CNTN5: variants seen among roughly 807,000 people sequenced by gnomAD.
CNTN5 encodes contactin 5.
CNTN5 carries 77 observed loss-of-function variants against 129.1 expected under a neutral mutation model. That is an observed-to-expected ratio of 0.60 (90% CI 0.50 to 0.72). CNTN5 has a LOEUF of 0.72. CNTN5 is among the 30% of genes least tolerant of loss of function. The probability of loss-of-function intolerance (pLI) is 0.00; values close to 1 mark genes in which losing one functional copy is unlikely to be tolerated. For missense variants in CNTN5, 1,478 were observed against 1,328.8 expected (o/e 1.11, Z -1.75); for synonymous variants, 509 against 465.6 (o/e 1.09, Z -1.20).
chr11:99,524,669 GA>G (rs1947417066), intron 2 of CNTN5, among the ~76,000 whole-genome samples: 1 of 151,924 alleles, frequency 6.6e-6, no homozygotes, highest in South Asian at 2.1e-4. Context: ...AAAAATTGAT[GA>G]TGGGTACCTG....
intron 3 of CNTN5, among the ~76,000 whole-genome samples, chr11:99,699,312 T>A (rs622746): frequency 0.99 from 150,253 of 151,522 alleles, 74,511 homozygotes; most frequent in East Asian, 1. Flanking sequence ...CTAATGCTTT[T>A]AAAATTAACA....
intron 16 of CNTN5, among the ~76,000 whole-genome samples, chr11:100,253,113 C>G (rs1431201857): frequency 2.6e-5 from 4 of 151,996 alleles, no homozygotes; most frequent in Non-Finnish European, 4.4e-5. Context: ...AATGCCATCT[C>G]TATCTCTACA....
chr11:100,118,613 C>T (rs1415927645), intron 13 of CNTN5, among the ~76,000 whole-genome samples: 1 of 151,848 alleles, frequency 6.6e-6, no homozygotes, highest in Non-Finnish European at 1.5e-5. Flanking sequence ...TGGATTTTAA[C>T]TAATACATCT....
At chr11:100,078,325 A>G (rs945280490) in intron 13 of CNTN5, among the ~76,000 whole-genome samples, 3 of 152,198 alleles carry the variant, frequency 2.0e-5, no homozygotes, top group Admixed American at 6.6e-5. Context: ...TATGATTAAC[A>G]AATTAGCTGC....
intron 1 of CNTN5, among the ~76,000 whole-genome samples, chr11:99,112,519 T>A (rs958343127): frequency 3.3e-5 from 5 of 152,072 alleles, no homozygotes; most frequent in Admixed American, 6.6e-5. Context: ...AAGGCTAGAT[T>A]GTGAATGCAC....
At chr11:99,139,811 A>G (rs1304500822) in intron 1 of CNTN5, among the ~76,000 whole-genome samples, 2 of 152,182 alleles carry the variant, frequency 1.3e-5, no homozygotes, top group Admixed American at 6.5e-5. Flanking sequence ...AATTGATTTT[A>G]AAAACTTTCT....
At chr11:100,345,017 A>G (rs1952247993) in intron 23 of CNTN5, among the ~76,000 whole-genome samples, 1 of 152,304 alleles carries the variant, frequency 6.6e-6, no homozygotes, top group South Asian at 2.1e-4. Flanking sequence ...AACTATAGAA[A>G]TAGCACAAGA....
At chr11:100,105,469 T>G (rs1945392928) in intron 13 of CNTN5, among the ~76,000 whole-genome samples, 1 of 152,170 alleles carries the variant, frequency 6.6e-6, no homozygotes, top group African/African-American at 2.4e-5. Flanking sequence ...TATAACCACA[T>G]GGGAATAACT....
At chr11:99,452,794 G>A (rs1476240061) in intron 2 of CNTN5, among the ~76,000 whole-genome samples, 1 of 152,028 alleles carries the variant, frequency 6.6e-6, no homozygotes, top group Non-Finnish European at 1.5e-5. Flanking sequence ...TGATTATTAT[G>A]GGAAAATTAC....
At chr11:99,682,512 C>G (rs1051496889) in intron 3 of CNTN5, among the ~76,000 whole-genome samples, 1 of 151,852 alleles carries the variant, frequency 6.6e-6, no homozygotes, top group Non-Finnish European at 1.5e-5. Context: ...TTTCTAAATA[C>G]CAAAGTAATT....
At chr11:100,152,948 A>G (rs917252257) in intron 13 of CNTN5, among the ~76,000 whole-genome samples, 1 of 152,088 alleles carries the variant, frequency 6.6e-6, no homozygotes, top group African/African-American at 2.4e-5. Flanking sequence ...TGAGATCACC[A>G]TAATGAAGAC....
intron 2 of CNTN5, among the ~76,000 whole-genome samples, chr11:99,431,964 A>G (rs982500363): frequency 6.6e-6 from 1 of 151,966 alleles, no homozygotes; most frequent in African/African-American, 2.4e-5. Flanking sequence ...TACTCAGTCC[A>G]CATGTTTCAA....
chr11:100,037,944 A>T (rs1053750134), intron 9 of CNTN5, among the ~76,000 whole-genome samples: 3 of 152,002 alleles, frequency 2.0e-5, no homozygotes, highest in African/African-American at 7.3e-5. Context: ...GATTTTTTGA[A>T]GGGTTTTTGT....
At chr11:99,809,965 T>C (rs983376940) in intron 3 of CNTN5, among the ~76,000 whole-genome samples, 4 of 152,130 alleles carry the variant, frequency 2.6e-5, no homozygotes, top group Non-Finnish European at 2.9e-5. Context: ...CTCAACTAGC[T>C]CCTGCCTTTG....
intron 2 of CNTN5, among the ~76,000 whole-genome samples, chr11:99,474,111 A>G (rs1409672634): frequency 6.6e-6 from 1 of 152,124 alleles, no homozygotes; most frequent in African/African-American, 2.4e-5. Context: ...ACTGAAAAAT[A>G]TCTCCAGTCT....
intron 1 of CNTN5, among the ~76,000 whole-genome samples, chr11:99,268,215 A>T (rs895794304): frequency 6.6e-6 from 1 of 151,978 alleles, no homozygotes; most frequent in African/African-American, 2.4e-5. Flanking sequence ...ACCCAGAATA[A>T]AAAGTAGCTA....
At chr11:99,429,976 C>T (rs1943296667) in intron 2 of CNTN5, among the ~76,000 whole-genome samples, 1 of 151,868 alleles carries the variant, frequency 6.6e-6, no homozygotes, top group Non-Finnish European at 1.5e-5. Context: ...TTGATACCCT[C>T]AAAAGCTAAG....
intron 4 of CNTN5, among the ~76,000 whole-genome samples, chr11:99,827,749 C>T (rs1947011251): frequency 6.6e-6 from 1 of 152,096 alleles, no homozygotes; most frequent in African/African-American, 2.4e-5. Flanking sequence ...GCTTGAATGG[C>T]TCCTTTATAC....
intron 7 of CNTN5, among the ~76,000 whole-genome samples, chr11:99,923,753 G>A (rs746689571): frequency 3.4e-5 from 4 of 116,242 alleles, no homozygotes; most frequent in African/African-American, 7.3e-5. Context: ...TAATCTATCT[G>A]TCTGTCTATC....
Sources: allele counts gnomAD v4.1 joint callset (sites outside exome capture counted in the v4.1 genomes callset), GRCh38; gene constraint gnomAD v4.1.1; transcripts MANE v1.5; gene names NCBI Gene and HGNC (gene_info 2026-07-23, HGNC 2026-07-21).